Variants in SDK1 observed in about 807,000 individuals in gnomAD.
SDK1 encodes sidekick cell adhesion molecule 1.
In SDK1, 157 loss-of-function variants were observed where a neutral mutation model predicts 245.5. The ratio of observed to expected loss-of-function variants is 0.64; its 90% CI spans 0.56 to 0.73. The LOEUF is 0.73. SDK1 is among the 30% of genes least tolerant of loss of function. The probability of loss-of-function intolerance (pLI) is 0.00; values close to 1 mark genes in which losing one functional copy is unlikely to be tolerated. For synonymous variants in SDK1, 1,647 were observed against 1,278.5 expected (o/e 1.29, Z -6.15); for missense variants, 3,583 against 3,002.3 (o/e 1.19, Z -4.52).
chr7:3,567,655 A>G (rs1779968963), intron 1 of SDK1, among the ~76,000 whole-genome samples: 1 of 152,216 alleles, frequency 6.6e-6, no homozygotes, highest in Admixed American at 6.5e-5. Flanking sequence ...CGTTTGTATC[A>G]TTCCAGAATT....
In SDK1 at chr7:3,970,313, T is replaced by G. The variant is rs989004035; in HGVS notation, c.1714+889T>G. On this transcript the variant is annotated intron_variant, in intron 11 of 44. Transcript: ENST00000404826. ...CTAGCATTTTCTATCATATGGTTGGTGTCCACTTTGATAAACGACTCTTCC... is the reference window on the plus strand; with the variant it reads ...CTAGCATTTTCTATCATATGGTTGGGGTCCACTTTGATAAACGACTCTTCC... Among the ~76,000 whole-genome samples the G allele has an allele frequency of 5.4e-4, 82 of 152,370 alleles. 1 individual carries two copies. The highest frequency in any genetic ancestry group is 1.6e-3 in the African/African-American group (68 of 41,592).
chr7:3,373,306 G>A (rs930620472), intron 1 of SDK1, among the ~76,000 whole-genome samples: 6 of 152,154 alleles, frequency 3.9e-5, no homozygotes, highest in Non-Finnish European at 5.9e-5. Context: ...AACACTAAGC[G>A]AAAGTGAAGA....
At chr7:4,212,550 C>T (rs1040692313) in intron 38 of SDK1, among the ~76,000 whole-genome samples, 1 of 152,162 alleles carries the variant, frequency 6.6e-6, no homozygotes, top group Non-Finnish European at 1.5e-5. Context: ...CTTCGAGGGG[C>T]GGCCAGGATC....
At position 4,114,124 on chromosome 7, in the gene SDK1, G is replaced by A; in HGVS notation, c.3673G>A (p.Val1225Met). The A allele has an allele frequency of 1.2e-6, 2 of 1,614,244 alleles. No individual in the cohort carries two copies. The highest frequency in any genetic ancestry group is 1.3e-5 in the African/African-American group (1 of 75,070). ...YWRSDLQSSA[V>M]AQVVSDRLER... ...GCGCTCAGACCTCCAGTCCTCAGCA[G>A]TGGCCCAAGTCGTCAGTGACCGGCT... Residue 1225 changes from valine to methionine, a missense_variant, in exon 25 of 45, where the codon GTG (valine) becomes ATG (methionine). Val to Met is a conservative substitution (Grantham distance 21). Coordinates refer to ENST00000404826, the MANE Select transcript of SDK1 (RefSeq NM_152744.4).
Position 3,655,493 on chromosome 7 carries a change from ATATATATATATG to A in SDK1, c.713+13392_713+13403del, listed in dbSNP as rs1301602921. On this transcript the variant is annotated intron_variant, in intron 4 of 44. Coordinates refer to ENST00000404826, the MANE Select transcript of SDK1 (RefSeq NM_152744.4). ...TATATATATATATATATATATATATATATATATATATGTATGTATGTATATAAAATGTGCTAG... is the reference window on the plus strand; with the variant it reads ...TATATATATATATATATATATATATATATGTATGTATATAAAATGTGCTAG... Among the ~76,000 whole-genome samples the A allele has an allele frequency of 3.8e-3, 246 of 65,292 alleles. 1 individual carries two copies. Among genetic ancestry groups the A allele is most frequent in the Non-Finnish European group, 6.9e-3 (186 of 27,144 alleles). The allele number at this position is 65,292 out of a possible 152,430, so 42.8% of individuals were successfully genotyped here.
intron 1 of SDK1, among the ~76,000 whole-genome samples, chr7:3,432,661 G>C (rs1583849146): frequency 6.6e-6 from 1 of 152,132 alleles, no homozygotes; most frequent in Non-Finnish European, 1.5e-5. Flanking sequence ...AGGAACCTAG[G>C]TTTGCTGTCT....
chr7:3,824,587 C>T (rs973350080), intron 5 of SDK1, among the ~76,000 whole-genome samples: 1 of 152,114 alleles, frequency 6.6e-6, no homozygotes, highest in Non-Finnish European at 1.5e-5. Flanking sequence ...GAGCGGCAAC[C>T]AGGTCTAGCC....
rs371828378 is a variant in SDK1, at chr7:4,268,711, G to C, written c.*3327G>C. On this transcript the variant is annotated 3_prime_UTR_variant, in exon 45 of 45. Transcript: ENST00000404826. ...TCCTCCTGACGAGCAACCCGTCTGCGTACCTAAGTGTGGCTCCCCGTGGGT... is the reference window on the plus strand; with the variant it reads ...TCCTCCTGACGAGCAACCCGTCTGCCTACCTAAGTGTGGCTCCCCGTGGGT... 58 of 1,367,838 alleles carry C rather than the reference G, an allele frequency of 4.2e-5. No individual in the cohort carries two copies. The highest frequency in any genetic ancestry group is 2.1e-4 in the Middle Eastern group (1 of 4,768). 84.7% of individuals were successfully genotyped at this position (1,367,838 alleles called of 1,614,324 possible).
At chr7:3,374,867 C>T (rs909755613) in intron 1 of SDK1, among the ~76,000 whole-genome samples, 2 of 152,244 alleles carry the variant, frequency 1.3e-5, no homozygotes, top group African/African-American at 2.4e-5. Flanking sequence ...TTTTTTCCCA[C>T]AGCACTTAGG....
chr7:3,857,467 G>C (rs531802404), intron 5 of SDK1, among the ~76,000 whole-genome samples: 39 of 152,238 alleles, frequency 2.6e-4, no homozygotes, highest in African/African-American at 8.9e-4. Context: ...GGGATTGTTT[G>C]TGCCCAGGAG....
intron 14 of SDK1, among the ~76,000 whole-genome samples, chr7:4,005,393 A>ACTGTGTGT: frequency 7.7e-6 from 1 of 129,910 alleles, no homozygotes; most frequent in South Asian, 2.8e-4. Flanking sequence ...TTCTTATGTG[A>ACTGTGTGT]GTGTGTGTGT....
At chr7:4,184,751 G>A (rs1413762639) in intron 35 of SDK1, among the ~76,000 whole-genome samples, 3 of 152,200 alleles carry the variant, frequency 2.0e-5, no homozygotes, top group Non-Finnish European at 4.4e-5. Context: ...CAGGAGGTAG[G>A]ACCCAACGCC....
intron 4 of SDK1, among the ~76,000 whole-genome samples, chr7:3,759,875 G>A (rs1044011950): frequency 6.6e-6 from 1 of 152,124 alleles, no homozygotes; most frequent in Non-Finnish European, 1.5e-5. Flanking sequence ...TTACAGGTGT[G>A]AGCCACTGTG....
intron 1 of SDK1, among the ~76,000 whole-genome samples, chr7:3,603,241 G>C (rs1274030588): frequency 7.1e-6 from 1 of 141,574 alleles, no homozygotes; most frequent in Non-Finnish European, 1.5e-5. Context: ...AGCTTGATGG[G>C]GATGGCATTG....
chr7:4,012,297 A>T, intron 16 of SDK1, 62 bp downstream of exon 16: 1 of 1,427,786 alleles, frequency 7.0e-7, no homozygotes. Flanking sequence ...GATTTCACAG[A>T]GGGTTGCAAA....
chr7:3,638,434 C>G (rs1436732637), intron 2 of SDK1, among the ~76,000 whole-genome samples: 2 of 151,764 alleles, frequency 1.3e-5, no homozygotes, highest in Admixed American at 6.6e-5. Flanking sequence ...CACATATACA[C>G]CATGGAATAC....
At chr7:4,135,789 A>G (rs888849634) in intron 28 of SDK1, among the ~76,000 whole-genome samples, 1 of 152,294 alleles carries the variant, frequency 6.6e-6, no homozygotes, top group South Asian at 2.1e-4. Context: ...TCCGTATCAG[A>G]TCGAATATTT....
At chr7:4,239,095 A>T (rs1231549297) in intron 42 of SDK1, among the ~76,000 whole-genome samples, 1 of 152,228 alleles carries the variant, frequency 6.6e-6, no homozygotes, top group Non-Finnish European at 1.5e-5. Flanking sequence ...TGTTTCCAGC[A>T]GAAACTCCAC....
chr7:3,901,707 C>T (rs562368900), intron 5 of SDK1, among the ~76,000 whole-genome samples: 3 of 152,140 alleles, frequency 2.0e-5, no homozygotes, highest in South Asian at 2.1e-4. Context: ...TACTCACTCA[C>T]GGGTGACTCT....
Sources: allele counts gnomAD v4.1 joint callset (sites outside exome capture counted in the v4.1 genomes callset), GRCh38; gene constraint gnomAD v4.1.1; transcripts MANE v1.5; gene names NCBI Gene and HGNC (gene_info 2026-07-23, HGNC 2026-07-21).